CADPS2: variants seen among roughly 807,000 people sequenced by gnomAD.
CADPS2 encodes the protein calcium-dependent secretion activator 2.
A neutral mutation model predicts 172.5 loss-of-function variants in CADPS2; 93 were observed. That is an observed-to-expected ratio of 0.54 (90% confidence interval 0.46 to 0.64). CADPS2 has a LOEUF of 0.64. Among genes scored for constraint, CADPS2 ranks in the 30% least tolerant of loss-of-function variants. CADPS2 has a pLI of 0.00. For synonymous variants in CADPS2, 546 were observed against 555.2 expected (o/e 0.98, Z 0.23); for missense variants, 1,420 against 1,565.9 (o/e 0.91, Z 1.57).
chr7:122,698,727 T>C, intron 2 of CADPS2: 2 of 1,613,766 alleles, frequency 1.2e-6, no homozygotes, highest in South Asian at 2.2e-5. Context: ...AAGTGGAGCT[T>C]CTTCCAAAGA....
At chr7:122,698,393 C>T (rs148566425) in intron 2 of CADPS2, 617 of 1,613,936 alleles carry the variant, frequency 3.8e-4, no homozygotes, top group Admixed American at 3.0e-3. Flanking sequence ...ACCTCAACCA[C>T]GGCTGTAATG....
At chr7:122,547,172 G>A (rs1235927096) in intron 8 of CADPS2, among the ~76,000 whole-genome samples, 1 of 151,622 alleles carries the variant, frequency 6.6e-6, no homozygotes, top group East Asian at 1.9e-4. Context: ...CTACCCACAA[G>A]AAATGTTGCT....
intron 1 of CADPS2, among the ~76,000 whole-genome samples, chr7:122,868,420 A>T (rs1403044464): frequency 2.0e-5 from 3 of 152,180 alleles, no homozygotes; most frequent in Admixed American, 2.0e-4. Context: ...TATATATTTA[A>T]CATTCTAACC....
At chr7:122,574,662 G>A (rs1242660657) in intron 7 of CADPS2, among the ~76,000 whole-genome samples, 1 of 151,518 alleles carries the variant, frequency 6.6e-6, no homozygotes, top group Non-Finnish European at 1.5e-5. Flanking sequence ...ACATATTGGT[G>A]CTGTGGGGGA....
intron 28 of CADPS2, among the ~76,000 whole-genome samples, chr7:122,342,245 A>T (rs1215709371): frequency 6.6e-6 from 1 of 152,198 alleles, no homozygotes; most frequent in Non-Finnish European, 1.5e-5. Context: ...TTTATACGGT[A>T]AATGGCTGTG....
intron 24 of CADPS2, among the ~76,000 whole-genome samples, chr7:122,385,612 A>G (rs1203836241): frequency 6.6e-6 from 1 of 152,092 alleles, no homozygotes; most frequent in African/African-American, 2.4e-5. Context: ...TTACGCATAA[A>G]GGTTTTCTAA....
intron 28 of CADPS2, among the ~76,000 whole-genome samples, chr7:122,326,189 T>C (rs555751331): frequency 6.6e-6 from 1 of 151,834 alleles, no homozygotes; most frequent in South Asian, 2.1e-4. Flanking sequence ...ATTGAGATCT[T>C]AGGAAGAAAC....
chr7:122,663,009 G>A (rs929392307), intron 3 of CADPS2, among the ~76,000 whole-genome samples: 2 of 152,018 alleles, frequency 1.3e-5, no homozygotes, highest in Admixed American at 1.3e-4. Context: ...GGACACATGG[G>A]GATGATTACT....
rs181462771 is a variant in CADPS2 at position 122,387,117 on chromosome 7, C to T, written c.3221G>A (p.Arg1074His). 5.5e-5 allele frequency: 87 copies of T among 1,574,502 alleles called. No individual in the cohort carries two copies. The highest frequency in any genetic ancestry group is 7.1e-5 in the Non-Finnish European group (82 of 1,157,626). The change falls in exon 24 of 30, where the codon CGC (arginine) becomes CAC (histidine). Residue 1074 changes from arginine (R) to histidine (H), a missense_variant. Arg to His is a conservative substitution (Grantham distance 29). Coordinates refer to ENST00000449022, the MANE Select transcript of CADPS2 (RefSeq NM_017954.11). Reference sequence around the variant, plus strand: ...CATAGTGCAAACGGAAGCTGGAATGCGCAAGTCAGTTGTTTTGCTTGCCTT... The same window carrying T: ...CATAGTGCAAACGGAAGCTGGAATGTGCAAGTCAGTTGTTTTGCTTGCCTT... ...LQKASKTTDLRIPASVCTMFN... is the reference protein window; with the variant it reads ...LQKASKTTDLHIPASVCTMFN...
In CADPS2 at chr7:122,576,777, T is replaced by A. The variant is rs562775584; in HGVS notation, c.1335+4402A>T. Among the ~76,000 whole-genome samples the A allele has an allele frequency of 7.2e-4, 109 of 151,308 alleles. 1 individual carries two copies. Among genetic ancestry groups the A allele is most frequent in the African/African-American group, 1.8e-3 (75 of 41,276 alleles). On this transcript the variant is annotated intron_variant, in intron 7 of 29. Transcript: ENST00000449022. ...CAGTGGGTCTCAGGAGATCTGATTT[T>A]TTTTTTTTTTTTTGAGATGGAGTCT...
chr7:122,600,597 C>A (rs919010728), intron 6 of CADPS2, among the ~76,000 whole-genome samples: 1 of 152,056 alleles, frequency 6.6e-6, no homozygotes, highest in African/African-American at 2.4e-5. Flanking sequence ...GACCCCTGCT[C>A]TAAGCAATGT....
intron 8 of CADPS2, among the ~76,000 whole-genome samples, chr7:122,526,066 C>T (rs940582865): frequency 6.6e-6 from 1 of 152,178 alleles, no homozygotes; most frequent in East Asian, 1.9e-4. Flanking sequence ...TGCTCTTGTT[C>T]TTGCTAAACT....
At chr7:122,833,119 G>C (rs1416888787) in intron 1 of CADPS2, among the ~76,000 whole-genome samples, 3 of 152,078 alleles carry the variant, frequency 2.0e-5, no homozygotes, top group Non-Finnish European at 2.9e-5. Context: ...CCTTTGTTCT[G>C]TCTGTAACAT....
chr7:122,454,291 T>C (rs1222729895), intron 14 of CADPS2, among the ~76,000 whole-genome samples: 1 of 151,926 alleles, frequency 6.6e-6, no homozygotes, highest in Non-Finnish European at 1.5e-5. Flanking sequence ...CCTGTCTCCT[T>C]TCCAAAAGAG....
intron 8 of CADPS2, among the ~76,000 whole-genome samples, chr7:122,544,857 A>G (rs1250922708): frequency 1.3e-5 from 2 of 152,144 alleles, no homozygotes. Context: ...TATGTGATCA[A>G]CCTACCATAC....
At chr7:122,704,353 T>A (rs73220288) in intron 2 of CADPS2, among the ~76,000 whole-genome samples, 1 of 148,468 alleles carries the variant, frequency 6.7e-6, no homozygotes, top group African/African-American at 2.5e-5. Flanking sequence ...ACAGGTAGAC[T>A]TTTTTTTTTT....
At chr7:122,702,968 C>T in intron 2 of CADPS2, 1 of 475,672 alleles carries the variant, frequency 2.1e-6, no homozygotes, top group South Asian at 3.5e-5. Context: ...TGATTGGTAC[C>T]ATGTGATTTC....
intron 25 of CADPS2, among the ~76,000 whole-genome samples, chr7:122,373,635 G>T (rs964869451): frequency 2.0e-5 from 3 of 152,080 alleles, no homozygotes; most frequent in Non-Finnish European, 2.9e-5. Flanking sequence ...CAAAGGTGCA[G>T]ATACCAATGT....
intron 3 of CADPS2, among the ~76,000 whole-genome samples, chr7:122,636,131 C>T (rs150749103): frequency 6.6e-6 from 1 of 152,178 alleles, no homozygotes; most frequent in East Asian, 1.9e-4. Flanking sequence ...AGATTTTGAT[C>T]CTGTTATTTC....
Sources: gnomAD v4.1 joint callset for allele counts (sites outside exome capture counted in the v4.1 genomes callset) on GRCh38, gnomAD v4.1.1 for gene constraint, MANE v1.5 for transcripts, NCBI Gene and HGNC (gene_info 2026-07-23, HGNC 2026-07-21) for gene names.